Variants in ABCD3 observed in about 807,000 individuals in gnomAD.
ABCD3 encodes the protein ATP-binding cassette sub-family D member 3.
Under a neutral mutation model 105.5 loss-of-function variants are expected in ABCD3, and 41 were observed. The observed-to-expected ratio is 0.39, with a 90% CI of 0.30 to 0.50. The LOEUF is 0.50. Among genes scored for constraint, ABCD3 ranks in the 20% least tolerant of loss-of-function variants. The pLI is 0.84. For synonymous variants in ABCD3, 258 were observed against 269.0 expected (o/e 0.96, Z 0.40); for missense variants, 622 against 806.3 (o/e 0.77, Z 2.77).
At chr1:94,516,807 A>G (rs1454771633) in intron 22 of ABCD3, among the ~76,000 whole-genome samples, 4 of 152,032 alleles carry the variant, frequency 2.6e-5, no homozygotes, top group South Asian at 4.1e-4. Context: ...TTTCAAGCTG[A>G]TTAGGAAATC....
In ABCD3 at chr1:94,489,794, A is replaced by C; in HGVS notation, c.1227A>C (p.Thr409=). The change falls in exon 14 of 23, where the codon ACA becomes ACC. Residue 409 remains threonine, a synonymous_variant. Coordinates refer to ENST00000370214, the MANE Select transcript of ABCD3 (RefSeq NM_002858.4). ...TAAATCATGGCAAATATGAGCGCACAATGGTCTCACAACAGGAAAAGGGTA... is the reference window on the plus strand; with the variant it reads ...TAAATCATGGCAAATATGAGCGCACCATGGTCTCACAACAGGAAAAGGGTA... ...KDLNHGKYER[T]MVSQQEKGIE... is the part of the protein sequence containing the mutation. 6.2e-7 allele frequency: 1 copy of C among 1,613,290 alleles called. No homozygotes were observed.
At chr1:94,417,760 T>G (rs1223052491), upstream of ABCD3, among the ~76,000 whole-genome samples, 1 of 152,256 alleles carries the variant, frequency 6.6e-6, no homozygotes, top group Non-Finnish European at 1.5e-5. Flanking sequence ...TTTTGTTCTA[T>G]TCTCAATTTT....
At chr1:94,413,381 G>A in the ABCD3 span, among the ~76,000 whole-genome samples, 4 of 152,024 alleles carry the variant, frequency 2.6e-5, no homozygotes, top group Non-Finnish European at 2.9e-5. Context: ...TAAACACTAC[G>A]GGAGCTCTGG....
the ABCD3 span, among the ~76,000 whole-genome samples, chr1:94,386,991 G>T: frequency 3.9e-5 from 6 of 152,344 alleles, no homozygotes; most frequent in East Asian, 1.2e-3. Context: ...GCTGCTATAA[G>T]AAGTTTAACT....
At chr1:94,419,514 A>G (rs991598976) in intron 1 of ABCD3, among the ~76,000 whole-genome samples, 10 of 152,306 alleles carry the variant, frequency 6.6e-5, no homozygotes, top group African/African-American at 2.2e-4. Flanking sequence ...TGAAAGAGAA[A>G]AGGCTACTTC....
At position 94,498,666 on chromosome 1, in the gene ABCD3, G is replaced by A. The variant is rs937581676; in HGVS notation, c.1451G>A (p.Arg484His). 1.2e-6 allele frequency: 2 copies of A among 1,611,906 alleles called. No individual in the cohort carries two copies. The highest frequency in any genetic ancestry group is 1.7e-6 in the Non-Finnish European group (2 of 1,179,744). The change falls in exon 17 of 23, where the codon CGT becomes CAT. Residue 484 changes from arginine to histidine, a missense_variant. By Grantham distance (29) the Arg-to-His change is conservative. Coordinates refer to ENST00000370214, the MANE Select transcript of ABCD3 (RefSeq NM_002858.4). ...GGCTGCGGAAAGAGTTCACTTTTCC[G>A]TGTTCTTGGTGAAGTAAGTACAAGT... ...PNGCGKSSLF[R>H]VLGELWPLFG...
chr1:94,405,909 G>C, the ABCD3 span, among the ~76,000 whole-genome samples: 1 of 150,008 alleles, frequency 6.7e-6, no homozygotes, highest in African/African-American at 2.4e-5. Flanking sequence ...ATGGTTTTTG[G>C]CATGCCAAAG....
At chr1:94,394,824 G>C in the ABCD3 span, among the ~76,000 whole-genome samples, 2 of 152,186 alleles carry the variant, frequency 1.3e-5, no homozygotes, top group Admixed American at 6.5e-5. Flanking sequence ...AGTTGGGAGA[G>C]TGTTAGACTG....
chr1:94,421,059 CAT>C (rs983118240), intron 1 of ABCD3, among the ~76,000 whole-genome samples: 12 of 152,076 alleles, frequency 7.9e-5, no homozygotes, highest in South Asian at 2.1e-4. Flanking sequence ...AGTTAAATCT[CAT>C]ATATATGTGT....
intron 8 of ABCD3, chr1:94,478,567 T>C (rs747447804): frequency 5.6e-6 from 9 of 1,594,428 alleles, no homozygotes; most frequent in Non-Finnish European, 6.0e-6. Flanking sequence ...GACAAATGTA[T>C]TGGCCAGGCG....
intron 21 of ABCD3, among the ~76,000 whole-genome samples, chr1:94,507,140 C>A (rs138075247): frequency 0.38 from 57,044 of 150,722 alleles, 11,684 homozygotes; most frequent in Middle Eastern, 0.55. Context: ...TCCCTCCCCC[C>A]TTCCCCCACC....
At chr1:94,487,343 T>C in intron 10 of ABCD3, among the ~76,000 whole-genome samples, 199 bp from the exon 11 acceptor site, 1 of 152,158 alleles carries the variant, frequency 6.6e-6, no homozygotes. Flanking sequence ...TTTCATGAAG[T>C]GTTTGTTTGG....
At chr1:94,503,117 CA>C (rs1293620786) in intron 20 of ABCD3, among the ~76,000 whole-genome samples, 1 of 152,100 alleles carries the variant, frequency 6.6e-6, no homozygotes, top group Non-Finnish European at 1.5e-5. Flanking sequence ...TGGCCCAAGA[CA>C]ATTCTTATTC....
chr1:94,407,125 A>T, the ABCD3 span, among the ~76,000 whole-genome samples: 1 of 152,064 alleles, frequency 6.6e-6, no homozygotes, highest in Non-Finnish European at 1.5e-5. Flanking sequence ...GAACTGACAT[A>T]CTGATGATAT....
chr1:94,518,188 A>G lies in ABCD3; in HGVS notation c.*1059A>G, dbSNP rs1651013219. The G allele has an allele frequency of 6.6e-6, 1 of 152,290 alleles. No homozygotes were observed. Among genetic ancestry groups the G allele is most frequent in the South Asian group, 2.1e-4 (1 of 4,824 alleles). The allele number at this position is 152,290 out of a possible 1,614,324, so 9.4% of individuals were successfully genotyped here. On this transcript the variant is annotated 3_prime_UTR_variant, in exon 23 of 23. Transcript: ENST00000370214. ...TTTTATATTTGGGTTATGATGTCAA[A>G]CGATCCTAAGCGAAGATGATTTCAG...
chr1:94,481,793 C>G (rs1173591118), intron 9 of ABCD3: 1 of 152,220 alleles, frequency 6.6e-6, no homozygotes, highest in Non-Finnish European at 1.5e-5. Flanking sequence ...CTGACTTTCC[C>G]TCATATCTTA....
At chr1:94,407,025 C>G in the ABCD3 span, 1 of 151,432 alleles carries the variant, frequency 6.6e-6, no homozygotes, top group African/African-American at 2.5e-5. Context: ...TGTCTACCTT[C>G]ATAAAAACAA....
At chr1:94,428,737 T>C (rs559205039) in intron 1 of ABCD3, among the ~76,000 whole-genome samples, 15 of 152,290 alleles carry the variant, frequency 9.8e-5, no homozygotes, top group African/African-American at 3.6e-4. Context: ...TCCTCAGCCA[T>C]GTGGAACTGT....
intron 1 of ABCD3, chr1:94,419,377 T>G: frequency 1.0e-6 from 1 of 983,672 alleles, no homozygotes; most frequent in South Asian, 4.7e-5. Flanking sequence ...CGCGGGAGAA[T>G]TTCAGTGCTT....
Sources: allele counts gnomAD v4.1 joint callset (sites outside exome capture counted in the v4.1 genomes callset), GRCh38; gene constraint gnomAD v4.1.1; transcripts MANE v1.5; gene names NCBI Gene and HGNC (gene_info 2026-07-23, HGNC 2026-07-21).